Variants in KHDRBS2 observed in about 807,000 individuals in gnomAD.
KHDRBS2 encodes the protein KH RNA binding domain containing, signal transduction associated 2, also known as KH domain-containing, RNA-binding, signal transduction-associated protein 2.
Under a neutral mutation model 44.3 loss-of-function variants are expected in KHDRBS2, and 26 were observed. The ratio of observed to expected loss-of-function variants is 0.59; its 90% CI spans 0.43 to 0.81. The LOEUF (loss-of-function observed/expected upper bound fraction) is 0.81. Among genes scored for constraint, KHDRBS2 ranks in the 40% least tolerant of loss-of-function variants. KHDRBS2 has a pLI of 0.00. For synonymous variants in KHDRBS2, 194 were observed against 151.1 expected (o/e 1.28, Z -2.08); for missense variants, 476 against 433.1 (o/e 1.10, Z -0.88).
the KHDRBS2 span, among the ~76,000 whole-genome samples, chr6:61,544,045 C>A: frequency 6.6e-6 from 1 of 151,684 alleles, no homozygotes; most frequent in South Asian, 2.1e-4. Flanking sequence ...TATTTGATAG[C>A]CCAATAATGT....
chr6:61,646,079 A>T, the KHDRBS2 span, among the ~76,000 whole-genome samples: 1 of 152,154 alleles, frequency 6.6e-6, no homozygotes, highest in Non-Finnish European at 1.5e-5. Context: ...ATATCTATTC[A>T]TAAGGTTTTA....
At chr6:62,076,170 G>GT (rs903163151) in intron 2 of KHDRBS2, among the ~76,000 whole-genome samples, 7 of 151,778 alleles carry the variant, frequency 4.6e-5, no homozygotes, top group Non-Finnish European at 1.0e-4. Flanking sequence ...GGATTAAAGA[G>GT]TTTTTTCATA....
At chr6:62,249,059 A>C (rs888192735) in intron 1 of KHDRBS2, among the ~76,000 whole-genome samples, 1 of 152,112 alleles carries the variant, frequency 6.6e-6, no homozygotes, top group African/African-American at 2.4e-5. Context: ...AGGCTAATCA[A>C]TTTTTTTACA....
At chr6:62,026,711 C>A (rs1221732826) in intron 3 of KHDRBS2, among the ~76,000 whole-genome samples, 1 of 151,918 alleles carries the variant, frequency 6.6e-6, no homozygotes, top group Non-Finnish European at 1.5e-5. Context: ...AGCCCCCAAG[C>A]CCAGTGCTTT....
At chr6:61,552,113 C>A in the KHDRBS2 span, among the ~76,000 whole-genome samples, 1 of 151,532 alleles carries the variant, frequency 6.6e-6, no homozygotes, top group Non-Finnish European at 1.5e-5. Flanking sequence ...GGTAAATGGC[C>A]ATTTTAACAA....
the KHDRBS2 span, among the ~76,000 whole-genome samples, chr6:61,656,577 G>A: frequency 2.0e-5 from 3 of 151,902 alleles, no homozygotes; most frequent in Non-Finnish European, 4.4e-5. Flanking sequence ...TGGTGTGCTG[G>A]TAAACTGGCT....
chr6:61,983,236 C>CTTTCTTTCTTTCTTTCTTTCTT, intron 3 of KHDRBS2, among the ~76,000 whole-genome samples: 1 of 118,506 alleles, frequency 8.4e-6, no homozygotes, highest in Non-Finnish European at 1.8e-5. Flanking sequence ...TTCTTTCTTT[C>CTTTCTTTCTTTCTTTCTTTCTT]TTTTTTTTTT....
At chr6:62,076,789 C>T (rs996776895) in intron 2 of KHDRBS2, among the ~76,000 whole-genome samples, 3 of 151,960 alleles carry the variant, frequency 2.0e-5, no homozygotes, top group Admixed American at 6.6e-5. Flanking sequence ...CACCTGTAAT[C>T]CCAACACTTT....
intron 6 of KHDRBS2, among the ~76,000 whole-genome samples, chr6:61,890,590 G>T (rs771064004): frequency 6.6e-6 from 1 of 152,136 alleles, no homozygotes; most frequent in African/African-American, 2.4e-5. Flanking sequence ...AAACTGATCT[G>T]TTTAAGCCTC....
intron 1 of KHDRBS2, among the ~76,000 whole-genome samples, chr6:62,178,769 T>A (rs1424128326): frequency 6.6e-6 from 1 of 151,562 alleles, no homozygotes; most frequent in African/African-American, 2.4e-5. Flanking sequence ...AATATTTCTT[T>A]TTGTTCTTTG....
At chr6:62,084,639 T>C (rs566539235) in intron 2 of KHDRBS2, among the ~76,000 whole-genome samples, 1 of 152,300 alleles carries the variant, frequency 6.6e-6, no homozygotes, top group Admixed American at 6.5e-5. Flanking sequence ...AACACAATTA[T>C]TCTGAACTAA....
chr6:61,786,733 C>T (rs989832462), intron 6 of KHDRBS2, among the ~76,000 whole-genome samples: 2 of 151,724 alleles, frequency 1.3e-5, no homozygotes, highest in East Asian at 1.9e-4. Context: ...AGCAGTTAGT[C>T]GTGGTAAGTA....
intron 1 of KHDRBS2, among the ~76,000 whole-genome samples, chr6:62,191,788 A>T (rs149303301): frequency 6.8e-4 from 104 of 152,236 alleles, no homozygotes; most frequent in African/African-American, 2.4e-3. Context: ...ATGGTACTAA[A>T]CTTTAAAATT....
At chr6:61,566,399 G>A in the KHDRBS2 span, among the ~76,000 whole-genome samples, 3 of 152,130 alleles carry the variant, frequency 2.0e-5, no homozygotes, top group Admixed American at 6.5e-5. Flanking sequence ...CATTTGGAAT[G>A]TTCCCAACAC....
chr6:61,913,672 GA>G (rs2127353178), intron 4 of KHDRBS2, among the ~76,000 whole-genome samples: 1 of 152,008 alleles, frequency 6.6e-6, no homozygotes, highest in African/African-American at 2.4e-5. Flanking sequence ...GTAATACTGT[GA>G]AAAAAAGAAA....
the KHDRBS2 span, among the ~76,000 whole-genome samples, chr6:61,607,520 CAAAAAAAA>C: frequency 1.2e-4 from 5 of 41,112 alleles, no homozygotes; most frequent in East Asian, 4.5e-3. Flanking sequence ...GAGTTCCAAG[CAAAAAAAA>C]AAAAAAAAAA....
intron 6 of KHDRBS2, among the ~76,000 whole-genome samples, chr6:61,859,965 G>A (rs1051010494): frequency 6.6e-6 from 1 of 151,854 alleles, no homozygotes; most frequent in African/African-American, 2.4e-5. Flanking sequence ...AGGAATATGG[G>A]ACATTATTTG....
intron 2 of KHDRBS2, among the ~76,000 whole-genome samples, chr6:62,156,853 T>TTTGTATTG: frequency 6.8e-6 from 1 of 147,548 alleles, no homozygotes; most frequent in African/African-American, 2.5e-5. Context: ...TTTTTTTTTT[T>TTTGTATTG]TTTTTGTATT....
chr6:61,696,247 T>G (rs1025687493), intron 8 of KHDRBS2, among the ~76,000 whole-genome samples: 4 of 150,818 alleles, frequency 2.7e-5, no homozygotes, highest in African/African-American at 9.7e-5. Context: ...TTTTATTTAT[T>G]TATTTATTTA....
Sources: allele counts gnomAD v4.1 joint callset (sites outside exome capture counted in the v4.1 genomes callset), GRCh38; gene constraint gnomAD v4.1.1; transcripts MANE v1.5; gene names NCBI Gene and HGNC (gene_info 2026-07-23, HGNC 2026-07-21).